Variants in SCIN observed in about 807,000 individuals in gnomAD.
The protein encoded by SCIN is scinderin, also known as adseverin.
Under a neutral mutation model 91.8 loss-of-function variants are expected in SCIN, and 91 were observed. The observed-to-expected ratio is 0.99, with a 90% confidence interval of 0.84 to 1.18. The LOEUF is 1.18. Ranked by LOEUF, SCIN falls within the 50% of genes most tolerant of loss-of-function variation. The probability of loss-of-function intolerance (pLI) is 0.00; values close to 1 mark genes in which losing one functional copy is unlikely to be tolerated. For synonymous variants in SCIN, 367 were observed against 312.6 expected (o/e 1.17, Z -1.84); for missense variants, 1,087 against 863.9 (o/e 1.26, Z -3.24).
chr7:12,583,173 A>T (rs1382481140), intron 3 of SCIN, among the ~76,000 whole-genome samples: 1 of 152,182 alleles, frequency 6.6e-6, no homozygotes, highest in Non-Finnish European at 1.5e-5. Context: ...AATCTATTCA[A>T]TTATCATGAA....
chr7:12,613,410 T>C (rs1222473827), intron 4 of SCIN, among the ~76,000 whole-genome samples: 1 of 152,184 alleles, frequency 6.6e-6, no homozygotes, highest in Admixed American at 6.5e-5. Context: ...TCCTCTTACA[T>C]ATTGTGCTTA....
At chr7:12,611,953 G>T in intron 4 of SCIN, among the ~76,000 whole-genome samples, 1 of 151,718 alleles carries the variant, frequency 6.6e-6, no homozygotes, top group East Asian at 1.9e-4. Flanking sequence ...GATTAAGGTT[G>T]CTTTATGGGT....
At chr7:12,628,718 AT>A (rs1402791772) in intron 8 of SCIN, among the ~76,000 whole-genome samples, 9 of 151,878 alleles carry the variant, frequency 5.9e-5, no homozygotes, top group South Asian at 2.1e-4. Context: ...AGGGAAAAAA[AT>A]ATATATATAT....
At chr7:12,596,127 T>G (rs2115239568) in intron 3 of SCIN, 1 of 279,844 alleles carries the variant, frequency 3.6e-6, no homozygotes, top group East Asian at 9.7e-5. Flanking sequence ...TCCTAGGATT[T>G]TATAGATTCC....
chr7:12,609,761 G>T (rs2115256708), intron 4 of SCIN, among the ~76,000 whole-genome samples: 1 of 152,236 alleles, frequency 6.6e-6, no homozygotes, highest in East Asian at 1.9e-4. Context: ...TCTACAGGGA[G>T]ATGGTAGGCA....
chr7:12,635,994 C>A, intron 9 of SCIN, 51 bp from the exon 10 acceptor site: 1 of 1,362,742 alleles, frequency 7.3e-7, no homozygotes, highest in East Asian at 2.4e-5. Flanking sequence ...CTACATGTGA[C>A]GATCTTAAAA....
rs77923354 is a variant in SCIN, at chr7:12,581,046, C to G, written c.355-14C>G. 6.5e-7 allele frequency: 1 copy of G among 1,549,392 alleles called. No homozygotes were observed. Among genetic ancestry groups the G allele is most frequent in the South Asian group, 1.2e-5 (1 of 83,856 alleles). Reference sequence around the variant, plus strand: ...TCTTTGTTTTTTGTGTGTCTGTCTTCCCTCATTCATCAGGCTGGAGGCGTG... The same window carrying G: ...TCTTTGTTTTTTGTGTGTCTGTCTTGCCTCATTCATCAGGCTGGAGGCGTG... On this transcript the variant is annotated splice_polypyrimidine_tract_variant and intron_variant, in intron 2 of 15. Transcript: ENST00000297029.
chr7:12,605,694 G>C (rs1171112276), intron 4 of SCIN, among the ~76,000 whole-genome samples: 1 of 152,108 alleles, frequency 6.6e-6, no homozygotes, highest in Non-Finnish European at 1.5e-5. Flanking sequence ...TTCAGACTTT[G>C]GAGTATTTCT....
chr7:12,604,262 T>G (rs1783025103), intron 3 of SCIN, among the ~76,000 whole-genome samples: 1 of 152,152 alleles, frequency 6.6e-6, no homozygotes, highest in Non-Finnish European at 1.5e-5. Context: ...CTTTTATAAA[T>G]TGTAATTTAT....
intron 9 of SCIN, among the ~76,000 whole-genome samples, chr7:12,629,687 A>G (rs1168914778): frequency 1.3e-5 from 2 of 152,176 alleles, no homozygotes; most frequent in Non-Finnish European, 2.9e-5. Context: ...TCTTGTTTCC[A>G]TTAAATTCAC....
chr7:12,580,008 T>C (rs1782455665), intron 2 of SCIN, among the ~76,000 whole-genome samples: 1 of 152,206 alleles, frequency 6.6e-6, no homozygotes, highest in African/African-American at 2.4e-5. Flanking sequence ...TGTAAAATTA[T>C]GGACTGGGAA....
At chr7:12,603,395 G>A (rs1051805321) in intron 3 of SCIN, among the ~76,000 whole-genome samples, 8 of 151,852 alleles carry the variant, frequency 5.3e-5, no homozygotes, top group African/African-American at 7.3e-5. Flanking sequence ...CGCAAGCCTC[G>A]GCCTCTCAAA....
chr7:12,597,535 G>A (rs985585068), intron 3 of SCIN, among the ~76,000 whole-genome samples: 2 of 152,136 alleles, frequency 1.3e-5, no homozygotes, highest in Non-Finnish European at 2.9e-5. Flanking sequence ...TTTTCCTCAA[G>A]GGCACCATTG....
At chr7:12,582,595 A>G (rs559703367) in intron 3 of SCIN, among the ~76,000 whole-genome samples, 2 of 152,156 alleles carry the variant, frequency 1.3e-5, no homozygotes, top group Non-Finnish European at 2.9e-5. Flanking sequence ...TACACCCTAA[A>G]TGGCAGTACC....
intron 11 of SCIN, among the ~76,000 whole-genome samples, chr7:12,643,337 G>C (rs1024099422): frequency 2.6e-4 from 39 of 152,136 alleles, no homozygotes; most frequent in African/African-American, 8.9e-4. Context: ...CAGGTCTCTT[G>C]TCAGCTTCTA....
Position 12,656,188 on chromosome 7 carries a change from C to G in SCIN, c.*3473C>G, listed in dbSNP as rs373854611. The stretch of plus-strand genomic sequence containing the variant: ...TTTGGCCTCCAGTAATGATTAGGAA[C>G]ACACTATAAACATAAAACATCAGTC... On this transcript the variant is annotated 3_prime_UTR_variant, in exon 16 of 16. Coordinates refer to ENST00000297029, the MANE Select transcript of SCIN (RefSeq NM_001112706.3). 3 of 152,252 alleles carry G rather than the reference C, an allele frequency of 2.0e-5. No homozygotes were observed. The highest frequency in any genetic ancestry group is 4.8e-5 in the African/African-American group (2 of 41,554). The allele number at this position is 152,252 out of a possible 1,614,324, so 9.4% of individuals were successfully genotyped here.
In SCIN at chr7:12,629,199, C is replaced by T. The variant is rs754488169; in HGVS notation, c.1296C>T (p.Pro432=). 1.2e-6 allele frequency: 2 copies of T among 1,611,874 alleles called. No homozygotes were observed. Among genetic ancestry groups the T allele is most frequent in the Non-Finnish European group, 8.5e-7 (1 of 1,179,198 alleles). The change falls in exon 9 of 16, where the codon CCC becomes CCT. Residue 432 remains proline (P), a synonymous_variant. Coordinates refer to ENST00000297029, the MANE Select transcript of SCIN (RefSeq NM_001112706.3). ...GCTACATCATACTCTACACCTATCC[C>T]AGAGGACAGATTATCTACACGTGGT... The part of the protein sequence containing the change: ...GDCYIILYTY[P]RGQIIYTWQG...
chr7:12,650,226 G>C (rs534913593), intron 14 of SCIN, among the ~76,000 whole-genome samples: 20 of 152,290 alleles, frequency 1.3e-4, no homozygotes, highest in Admixed American at 8.5e-4. Context: ...AAACCATTCA[G>C]TTATATCACA....
At chr7:12,648,491 T>G (rs918958633) in intron 13 of SCIN, among the ~76,000 whole-genome samples, 3 of 152,018 alleles carry the variant, frequency 2.0e-5, no homozygotes, top group African/African-American at 7.2e-5. Context: ...GAGACAGAGT[T>G]TCACCATGTT....
Sources: gnomAD v4.1 joint callset for allele counts (sites outside exome capture counted in the v4.1 genomes callset) on GRCh38, gnomAD v4.1.1 for gene constraint, MANE v1.5 for transcripts, NCBI Gene and HGNC (gene_info 2026-07-23, HGNC 2026-07-21) for gene names.